PCDHGA5: variants seen among roughly 807,000 people sequenced by gnomAD.
The protein encoded by PCDHGA5 is protocadherin gamma-A5.
PCDHGA5 carries 36 observed loss-of-function variants against 56.7 expected under a neutral mutation model. That is an observed-to-expected ratio of 0.64 (90% CI 0.49 to 0.84). The LOEUF (loss-of-function observed/expected upper bound fraction) is 0.84. Ranked by LOEUF, PCDHGA5 falls within the 40% of genes least tolerant of loss-of-function variation. The probability of loss-of-function intolerance (pLI) is 0.00; values close to 1 mark genes in which losing one functional copy is unlikely to be tolerated. For missense variants in PCDHGA5, 1,305 were observed against 1,201.5 expected, an observed-to-expected ratio of 1.09 and a Z score of -1.27; for synonymous variants, 563 against 520.2, an observed-to-expected ratio of 1.08 and a Z score of -1.12.
chr5:141,415,982 T>A lies in PCDHGA5; in HGVS notation c.2421+49231T>A, dbSNP rs531852883. The A allele has an allele frequency of 1.9e-4, 66 of 342,492 alleles. 1 individual carries two copies. Among genetic ancestry groups the A allele is most frequent in the African/African-American group, 1.3e-3 (59 of 46,668 alleles). 21.2% of individuals were successfully genotyped at this position (342,492 alleles called of 1,614,324 possible). A position where few individuals can be genotyped will look rare whatever the true frequency, so the allele number is the denominator to read the frequency against. ...AACTCCAGCCCCTTAAGCAACCCTC[T>A]TGTTCTGAAGGCAGGTCTGGTAAGA... On this transcript the variant is annotated intron_variant, in intron 1 of 3. Transcript: ENST00000518069.
intron 2 of PCDHGA5, among the ~76,000 whole-genome samples, chr5:141,500,768 A>C (rs2099802446): frequency 6.6e-6 from 1 of 152,180 alleles, no homozygotes; most frequent in African/African-American, 2.4e-5. Flanking sequence ...AACTCCTCTT[A>C]TGAATATACA....
intron 1 of PCDHGA5, among the ~76,000 whole-genome samples, chr5:141,457,005 A>T (rs2098903361): frequency 6.6e-6 from 1 of 152,146 alleles, no homozygotes; most frequent in Admixed American, 6.5e-5. Flanking sequence ...TGCATTACTA[A>T]ATCCAATAAA....
At chr5:141,492,447 T>G (rs920078908) in intron 1 of PCDHGA5, among the ~76,000 whole-genome samples, 13 of 152,300 alleles carry the variant, frequency 8.5e-5, no homozygotes, top group Middle Eastern at 3.4e-3. Context: ...CGTAGCTGAT[T>G]GTGCGCGCCT....
intron 1 of PCDHGA5, chr5:141,410,115 C>G (rs1361621262): frequency 6.2e-7 from 1 of 1,612,624 alleles, no homozygotes; most frequent in African/African-American, 1.3e-5. Flanking sequence ...AGGGACGCAG[C>G]CCGCCAGCGC....
chr5:141,405,457 TTA>T, intron 1 of PCDHGA5: 1 of 1,256,670 alleles, frequency 8.0e-7, no homozygotes, highest in Non-Finnish European at 1.1e-6. Context: ...TCTTACTCTG[TTA>T]CCCAGGCTGG....
intron 1 of PCDHGA5, among the ~76,000 whole-genome samples, chr5:141,448,016 G>A (rs903673535): frequency 6.6e-6 from 1 of 152,006 alleles, no homozygotes; most frequent in South Asian, 2.1e-4. Context: ...AACCCAGGAG[G>A]TGGAGGTTGC....
chr5:141,452,844 C>T (rs1239022315), intron 1 of PCDHGA5, among the ~76,000 whole-genome samples: 1 of 152,204 alleles, frequency 6.6e-6, no homozygotes, highest in Non-Finnish European at 1.5e-5. Context: ...CCAGCCCACA[C>T]TCTGGGGAGA....
intron 2 of PCDHGA5, among the ~76,000 whole-genome samples, chr5:141,504,268 T>A (rs539485141): frequency 2.2e-4 from 34 of 152,348 alleles, no homozygotes; most frequent in Admixed American, 1.3e-3. Context: ...AGTATTTTTT[T>A]AAATTATGAA....
At position 141,490,341 on chromosome 5, in the gene PCDHGA5, A is replaced by C. The variant is rs778299384; in HGVS notation, c.2422-4466A>C. ...TCCTAGAGAGCACACCAGTGGGCACAGTAGTGGGGTTGTTTAATGTGCGAG... is the reference window on the plus strand; with the variant it reads ...TCCTAGAGAGCACACCAGTGGGCACCGTAGTGGGGTTGTTTAATGTGCGAG... On this transcript the variant is annotated intron_variant, in intron 1 of 3. Coordinates refer to ENST00000518069, the MANE Select transcript of PCDHGA5 (RefSeq NM_018918.3). This position sits in a 1 kb window ranked among gnomAD's most constrained non-coding sequence, Gnocchi z 5.4. The C allele has an allele frequency of 5.0e-6, 8 of 1,614,204 alleles. No homozygotes were observed. The South Asian group carries it at 8.8e-5, about 18-fold the overall frequency.
intron 1 of PCDHGA5, among the ~76,000 whole-genome samples, chr5:141,480,339 T>A (rs764049837): frequency 1.3e-4 from 20 of 152,010 alleles, no homozygotes; most frequent in Non-Finnish European, 2.4e-4. Context: ...TGCTTGAGCC[T>A]GGGAGGTTGA....
At chr5:141,494,680 C>A in intron 1 of PCDHGA5, 127 bp from the exon 2 acceptor site, 1 of 1,560,094 alleles carries the variant, frequency 6.4e-7, no homozygotes, top group Non-Finnish European at 8.7e-7. Flanking sequence ...CCACCCCTGC[C>A]CCCTCTTAGT....
chr5:141,383,387 G>A lies in PCDHGA5; in HGVS notation c.2421+16636G>A, dbSNP rs1779095569. ...AGCGAGGCTGGGGATCCAGATGTGG[G>A]CACGAACTCCCTCCAGAGTTACCAG... is the stretch of plus-strand genomic sequence containing the variant. On this transcript the variant is annotated intron_variant, in intron 1 of 3. Coordinates refer to ENST00000518069, the MANE Select transcript of PCDHGA5 (RefSeq NM_018918.3). 3.7e-6 allele frequency: 6 copies of A among 1,614,010 alleles called. No individual in the cohort carries two copies. The East Asian group carries it at 1.3e-4, about 36-fold the overall frequency.
chr5:141,495,384 C>A (rs2099760896), intron 2 of PCDHGA5, among the ~76,000 whole-genome samples: 1 of 152,190 alleles, frequency 6.6e-6, no homozygotes, highest in African/African-American at 2.4e-5. Flanking sequence ...AAGGACTGGG[C>A]GGGGCATGGA....
Position 141,370,669 on chromosome 5 carries a change from G to T in PCDHGA5, c.2421+3918G>T, listed in dbSNP as rs370792537. 8.7e-6 allele frequency: 14 copies of T among 1,613,790 alleles called. No homozygotes were observed. The highest frequency in any genetic ancestry group is 1.1e-5 in the Non-Finnish European group (13 of 1,179,912). On this transcript the variant is annotated intron_variant, in intron 1 of 3. Coordinates refer to ENST00000518069, the MANE Select transcript of PCDHGA5 (RefSeq NM_018918.3). ...TTACTTGTGAGCGACCGTATAGACCGAGAGGAGATTTGTGGCAAGAAGTCG... is the reference window on the plus strand; with the variant it reads ...TTACTTGTGAGCGACCGTATAGACCTAGAGGAGATTTGTGGCAAGAAGTCG...
chr5:141,488,502 C>T (rs989368385), intron 1 of PCDHGA5, among the ~76,000 whole-genome samples: 2 of 152,146 alleles, frequency 1.3e-5, no homozygotes, highest in Non-Finnish European at 2.9e-5. Context: ...ACACTCATTC[C>T]ACATTTGGGG....
chr5:141,411,184 G>A (rs1478666914), intron 1 of PCDHGA5: 1 of 152,108 alleles, frequency 6.6e-6, no homozygotes, highest in Admixed American at 6.6e-5. Context: ...AGTGGTCTTG[G>A]CATCTAAGAA....
intron 1 of PCDHGA5, chr5:141,374,783 G>A: frequency 6.2e-7 from 1 of 1,613,908 alleles, no homozygotes; most frequent in Non-Finnish European, 8.5e-7. Flanking sequence ...AACAGTTCTA[G>A]ATGTGAATGA....
At chr5:141,370,552 A>T in intron 1 of PCDHGA5, 2 of 1,613,806 alleles carry the variant, frequency 1.2e-6, no homozygotes, top group Non-Finnish European at 1.7e-6. Context: ...CTCGCCAAGG[A>T]CCTGGGGTTT....
At chr5:141,383,248 T>A in intron 1 of PCDHGA5, 1 of 1,613,948 alleles carries the variant, frequency 6.2e-7, no homozygotes. Context: ...AATGAATCTT[T>A]ACCCTATAGA....
Sources: allele counts gnomAD v4.1 joint callset (sites outside exome capture counted in the v4.1 genomes callset), GRCh38; gene constraint gnomAD v4.1.1; non-coding constraint Gnocchi (gnomAD v3.1); transcripts MANE v1.5; gene names NCBI Gene and HGNC (gene_info 2026-07-23, HGNC 2026-07-21).